KCNU1: variants seen among roughly 807,000 people sequenced by gnomAD.
The protein encoded by KCNU1 is potassium calcium-activated channel subfamily U member 1, also known as potassium channel subfamily U member 1.
In KCNU1, 93 loss-of-function variants were observed where a neutral mutation model predicts 126.8. The observed-to-expected ratio is 0.73, with a 90% CI of 0.62 to 0.87. The LOEUF is 0.87. Ranked by LOEUF, KCNU1 falls within the 40% of genes least tolerant of loss-of-function variation. The probability of loss-of-function intolerance (pLI) is 0.00; values close to 1 mark genes in which losing one functional copy is unlikely to be tolerated. For missense variants in KCNU1, 1,330 were observed against 1,367.1 expected, an observed-to-expected ratio of 0.97 and a Z score of 0.43; for synonymous variants, 523 against 494.2, an observed-to-expected ratio of 1.06 and a Z score of -0.77.
At chr8:36,878,403 C>T (rs1384588490) in intron 19 of KCNU1, among the ~76,000 whole-genome samples, 1 of 152,008 alleles carries the variant, frequency 6.6e-6, no homozygotes, top group Non-Finnish European at 1.5e-5. Context: ...GTAGACCTCA[C>T]CCTCCATACA....
intron 10 of KCNU1, among the ~76,000 whole-genome samples, chr8:36,821,613 T>G (rs1804128692): frequency 6.6e-6 from 1 of 152,130 alleles, no homozygotes; most frequent in East Asian, 1.9e-4. Context: ...AAGGGAGGGA[T>G]GTGGATTCTT....
chr8:36,882,932 T>C (rs1228682794), intron 19 of KCNU1, among the ~76,000 whole-genome samples: 1 of 152,184 alleles, frequency 6.6e-6, no homozygotes, highest in Non-Finnish European at 1.5e-5. Flanking sequence ...AAAATATGCA[T>C]TTCTCTTTTT....
At chr8:36,828,136 A>G (rs1049446378) in intron 10 of KCNU1, among the ~76,000 whole-genome samples, 1 of 152,106 alleles carries the variant, frequency 6.6e-6, no homozygotes, top group Non-Finnish European at 1.5e-5. Context: ...TCCCTACCCC[A>G]GTGTTTAAAA....
intron 7 of KCNU1, among the ~76,000 whole-genome samples, chr8:36,809,309 G>T (rs1803622439): frequency 1.3e-5 from 2 of 152,074 alleles, no homozygotes; most frequent in Admixed American, 6.6e-5. Context: ...TCTAGGAAAT[G>T]GATCTCAGCT....
At chr8:36,866,404 T>C (rs1805912770) in intron 19 of KCNU1, among the ~76,000 whole-genome samples, 1 of 152,102 alleles carries the variant, frequency 6.6e-6, no homozygotes, top group Non-Finnish European at 1.5e-5. Flanking sequence ...TTATGCACTT[T>C]CTAAGAGCAA....
At chr8:36,824,733 T>A (rs1328362016) in intron 10 of KCNU1, among the ~76,000 whole-genome samples, 2 of 152,196 alleles carry the variant, frequency 1.3e-5, no homozygotes, top group Non-Finnish European at 2.9e-5. Flanking sequence ...CCTGTTTTTT[T>A]AAATGTGTAT....
intron 10 of KCNU1, among the ~76,000 whole-genome samples, chr8:36,822,693 C>G (rs1804173358): frequency 6.6e-6 from 1 of 152,118 alleles, no homozygotes; most frequent in South Asian, 2.1e-4. Context: ...AAAACTATGA[C>G]TAAATTAAGC....
At chr8:36,882,704 C>T (rs751308315) in intron 19 of KCNU1, among the ~76,000 whole-genome samples, 1 of 152,078 alleles carries the variant, frequency 6.6e-6, no homozygotes. Context: ...CTGCCTTAGC[C>T]TCCTGAGTAG....
intron 20 of KCNU1, among the ~76,000 whole-genome samples, chr8:36,906,426 A>G (rs1387371155): frequency 6.6e-6 from 1 of 152,102 alleles, no homozygotes; most frequent in Non-Finnish European, 1.5e-5. Context: ...TAAGATGGAA[A>G]AAGTCTTGTA....
intron 10 of KCNU1, among the ~76,000 whole-genome samples, chr8:36,820,361 G>A (rs77649851): frequency 0.025 from 3,835 of 152,202 alleles, 161 homozygotes; most frequent in African/African-American, 0.087. Context: ...TGGAACTGGT[G>A]GAGACAGAGG....
intron 8 of KCNU1, 116 bp from the exon 9 acceptor site, chr8:36,815,480 T>G: frequency 1.8e-6 from 1 of 551,104 alleles, no homozygotes; most frequent in South Asian, 2.9e-5. Context: ...TGCTATCATG[T>G]GCTCTTAGAT....
rs559084596 is a variant in KCNU1 at position 36,882,985 on chromosome 8, G to T, written c.2009+18464G>T. ...TTCCTTTTCTATCCATCTCTTTTTT[G>T]CCTTCCTTATCTTTTGCATTTCATT... On this transcript the variant is annotated intron_variant, in intron 19 of 26. Transcript: ENST00000399881. 2.7e-5 allele frequency among the ~76,000 whole-genome samples: 4 copies of T among 150,244 alleles called. No homozygotes were observed. The South Asian group carries it at 8.4e-4, about 32-fold the overall frequency.
At chr8:36,823,834 A>T in intron 10 of KCNU1, among the ~76,000 whole-genome samples, 1 of 143,368 alleles carries the variant, frequency 7.0e-6, no homozygotes, top group Admixed American at 7.3e-5. Context: ...CCTTGTTCAA[A>T]CCTTTTTTTT....
At chr8:36,910,551 G>A (rs1199579397) in intron 21 of KCNU1, among the ~76,000 whole-genome samples, 1 of 152,082 alleles carries the variant, frequency 6.6e-6, no homozygotes, top group African/African-American at 2.4e-5. Context: ...TAGCAATATT[G>A]TGAGGATGCA....
At chr8:36,842,357 T>C (rs1212168506) in intron 16 of KCNU1, among the ~76,000 whole-genome samples, 2 of 152,202 alleles carry the variant, frequency 1.3e-5, no homozygotes, top group South Asian at 2.1e-4. Flanking sequence ...ATAGAAAGCA[T>C]CTGGGTAGAA....
intron 19 of KCNU1, among the ~76,000 whole-genome samples, chr8:36,893,144 G>GT (rs34766611): frequency 0.4 from 58,432 of 144,416 alleles, 11,688 homozygotes; most frequent in Admixed American, 0.45. Flanking sequence ...GTTTTTTTTT[G>GT]TTTTTTTTTT....
chr8:36,883,990 G>A (rs1166766953), intron 19 of KCNU1, among the ~76,000 whole-genome samples: 1 of 152,146 alleles, frequency 6.6e-6, no homozygotes, highest in East Asian at 1.9e-4. Flanking sequence ...CAGTGTGTTG[G>A]GTGTGGGGTT....
chr8:36,918,624 C>G (rs1046141808), intron 22 of KCNU1, among the ~76,000 whole-genome samples, 199 bp from the exon 23 acceptor site: 2 of 151,840 alleles, frequency 1.3e-5, no homozygotes, highest in African/African-American at 4.8e-5. Flanking sequence ...ACACACTCCC[C>G]TCCCCACATT....
In KCNU1 at chr8:36,864,533, A is replaced by G; in HGVS notation, c.2009+12A>G. The G allele has an allele frequency of 6.7e-7, 1 of 1,490,280 alleles. No homozygotes were observed. The highest frequency in any genetic ancestry group is 9.4e-7 in the Non-Finnish European group (1 of 1,067,242). 92.3% of individuals were successfully genotyped at this position (1,490,280 alleles called of 1,614,324 possible). On this transcript the variant is annotated intron_variant, in intron 19 of 26. Coordinates refer to ENST00000399881, the MANE Select transcript of KCNU1 (RefSeq NM_001031836.3). ...AACTTCACCACCAGGTAAAAGCTGC[A>G]GAGAACCCTGGTCTCCTATAGTTTT...
Sources: allele counts gnomAD v4.1 joint callset (sites outside exome capture counted in the v4.1 genomes callset), GRCh38; gene constraint gnomAD v4.1.1; transcripts MANE v1.5; gene names NCBI Gene and HGNC (gene_info 2026-07-23, HGNC 2026-07-21).